FBXW11: variants seen among roughly 807,000 people sequenced by gnomAD.
The protein encoded by FBXW11 is F-box and WD repeat domain containing 11, also known as F-box/WD repeat-containing protein 11.
Under a neutral mutation model 77.6 loss-of-function variants are expected in FBXW11, and 19 were observed. The ratio of observed to expected loss-of-function variants is 0.24; its 90% CI spans 0.17 to 0.36. FBXW11 has a LOEUF of 0.36. Ranked by LOEUF, FBXW11 falls within the 10% of genes least tolerant of loss-of-function variation. The pLI is 1.00. For missense variants in FBXW11, 334 were observed against 704.2 expected (o/e 0.47, Z 5.95); for synonymous variants, 235 against 249.4 (o/e 0.94, Z 0.54).
chr5:171,880,575 TC>T (rs1758432869), intron 7 of FBXW11, among the ~76,000 whole-genome samples: 1 of 152,250 alleles, frequency 6.6e-6, no homozygotes, highest in South Asian at 2.1e-4. Context: ...GAAATATCTC[TC>T]CCCATTTATT....
At chr5:171,915,711 A>G (rs1284053778) in intron 2 of FBXW11, among the ~76,000 whole-genome samples, 1 of 149,018 alleles carries the variant, frequency 6.7e-6, no homozygotes, top group Non-Finnish European at 1.5e-5. Context: ...TGTTGTGGGG[A>G]TGGAGACTGC....
intron 1 of FBXW11, among the ~76,000 whole-genome samples, chr5:171,968,232 G>A (rs1012465492): frequency 5.9e-5 from 9 of 151,998 alleles, no homozygotes; most frequent in Admixed American, 2.0e-4. Flanking sequence ...CGAGGTGGGC[G>A]GATCACGAGG....
intron 1 of FBXW11, among the ~76,000 whole-genome samples, chr5:171,985,090 A>G (rs1765363754): frequency 1.3e-5 from 2 of 152,156 alleles, no homozygotes; most frequent in African/African-American, 2.4e-5. Context: ...TCCACTCTAC[A>G]TCTAAAATGT....
chr5:171,888,477 GAA>G (rs1419592440), intron 7 of FBXW11, among the ~76,000 whole-genome samples: 3 of 152,216 alleles, frequency 2.0e-5, no homozygotes, highest in Non-Finnish European at 2.9e-5. Flanking sequence ...TTGAACAGTG[GAA>G]AAGAGATTAG....
chr5:171,923,729 ATT>A (rs55905868), intron 2 of FBXW11, among the ~76,000 whole-genome samples: 4,894 of 149,830 alleles, frequency 0.033, 221 homozygotes, highest in African/African-American at 0.11. Flanking sequence ...TCTAAGATGT[ATT>A]TTTTTTTTTC....
chr5:171,905,855 A>T (rs1211988324), intron 4 of FBXW11, among the ~76,000 whole-genome samples: 1 of 152,050 alleles, frequency 6.6e-6, no homozygotes, highest in East Asian at 1.9e-4. Context: ...TTACTCTATC[A>T]TGCTGAGACT....
intron 1 of FBXW11, among the ~76,000 whole-genome samples, chr5:171,974,298 G>C (rs11742811): frequency 0.023 from 3,546 of 152,102 alleles, 65 homozygotes; most frequent in Non-Finnish European, 0.038. Context: ...GCCGGGCGTG[G>C]TGGCACATGC....
At chr5:171,929,280 G>C (rs1405302488) in intron 2 of FBXW11, among the ~76,000 whole-genome samples, 1 of 151,782 alleles carries the variant, frequency 6.6e-6, no homozygotes, top group Non-Finnish European at 1.5e-5. Context: ...TGAGGCACAA[G>C]AATCACTTGA....
rs578220154 is a variant in FBXW11, at chr5:171,878,690, T to G, written c.853-561A>C. On this transcript the variant is annotated intron_variant, in intron 7 of 13. Coordinates refer to ENST00000517395, the MANE Select transcript of FBXW11 (RefSeq NM_001378974.1). ...CTGTAGTCCCAACTACTCAGGAGGC[T>G]GAGGTGACAGAATTGCTTGAGCCCA... Among the ~76,000 whole-genome samples the G allele has an allele frequency of 1.1e-4, 16 of 151,248 alleles. No homozygotes were observed. In the South Asian group the frequency reaches 3.1e-3, roughly 30 times the overall value.
chr5:171,933,586 T>G (rs1762327330), intron 2 of FBXW11, among the ~76,000 whole-genome samples: 1 of 152,164 alleles, frequency 6.6e-6, no homozygotes, highest in African/African-American at 2.4e-5. Context: ...TAAGAGGTTG[T>G]GTGTGTATGT....
intron 1 of FBXW11, among the ~76,000 whole-genome samples, chr5:171,969,278 C>G (rs923529917): frequency 6.6e-6 from 1 of 151,780 alleles, no homozygotes; most frequent in South Asian, 2.1e-4. Context: ...CCATCACCCC[C>G]CAAAAAAAAG....
chr5:171,989,411 C>A (rs1166251476), intron 1 of FBXW11, among the ~76,000 whole-genome samples: 1 of 152,248 alleles, frequency 6.6e-6, no homozygotes, highest in Non-Finnish European at 1.5e-5. Context: ...AACGGGATAA[C>A]CCGTCATTAA....
At chr5:171,945,806 T>C (rs1349117685) in intron 2 of FBXW11, among the ~76,000 whole-genome samples, 1 of 152,236 alleles carries the variant, frequency 6.6e-6, no homozygotes, top group Non-Finnish European at 1.5e-5. Context: ...AGATTAATAT[T>C]ATTTTTACTA....
chr5:171,939,935 C>T (rs2113161995), intron 2 of FBXW11, among the ~76,000 whole-genome samples: 1 of 152,076 alleles, frequency 6.6e-6, no homozygotes, highest in South Asian at 2.1e-4. Flanking sequence ...TAAGCACATC[C>T]TCTCATATAC....
chr5:171,987,773 T>C (rs1031378762), intron 1 of FBXW11, among the ~76,000 whole-genome samples: 20 of 152,062 alleles, frequency 1.3e-4, no homozygotes, highest in African/African-American at 4.8e-4. Flanking sequence ...TTTTAAAATA[T>C]CCCTTATGAA....
chr5:171,933,609 T>A (rs1762330176), intron 2 of FBXW11, among the ~76,000 whole-genome samples: 1 of 151,818 alleles, frequency 6.6e-6, no homozygotes, highest in Admixed American at 6.6e-5. Flanking sequence ...GTAGAAGGGA[T>A]CCTAGAATCC....
intron 2 of FBXW11, among the ~76,000 whole-genome samples, chr5:171,935,390 G>A (rs1762421266): frequency 6.6e-6 from 1 of 151,828 alleles, no homozygotes; most frequent in South Asian, 2.1e-4. Flanking sequence ...TTTGAGTTAT[G>A]TCTCAATAAA....
At position 171,952,422 on chromosome 5, in the gene FBXW11, C is replaced by CATATATATATAT. The variant is rs1198809796; in HGVS notation, c.147+5163_147+5174dup. Among the ~76,000 whole-genome samples, 60 of 14,596 alleles carry CATATATATATAT rather than the reference C, an allele frequency of 4.1e-3. 4 individuals are homozygous for CATATATATATAT. Among genetic ancestry groups the CATATATATATAT allele is most frequent in the Non-Finnish European group, 5.3e-3 (39 of 7,400 alleles). 9.6% of individuals were successfully genotyped at this position (14,596 alleles called of 152,430 possible). On this transcript the variant is annotated intron_variant, in intron 2 of 13. Transcript: ENST00000517395. ...TGTGTGTGTGTGTTGTGTGTACATA[C>CATATATATATAT]ATATATATATATATATATATATATA...
chr5:172,005,923 C>G (rs1422580493), intron 1 of FBXW11, among the ~76,000 whole-genome samples: 1 of 152,044 alleles, frequency 6.6e-6, no homozygotes, highest in Non-Finnish European at 1.5e-5. Flanking sequence ...AGCTCCCTGC[C>G]CCCCCAGCTC....
Sources: gnomAD v4.1 joint callset for allele counts (sites outside exome capture counted in the v4.1 genomes callset) on GRCh38, gnomAD v4.1.1 for gene constraint, MANE v1.5 for transcripts, NCBI Gene and HGNC (gene_info 2026-07-23, HGNC 2026-07-21) for gene names.